C10orf53: variants seen among roughly 807,000 people sequenced by gnomAD.
C10orf53 encodes chromosome 10 open reading frame 53, also known as UPF0728 protein C10orf53.
In C10orf53, 8 loss-of-function variants were observed where a neutral mutation model predicts 9.4. The ratio of observed to expected loss-of-function variants is 0.85; its 90% CI spans 0.50 to 1.53. The LOEUF is 1.53. Ranked by LOEUF, C10orf53 falls within the 40% of genes most tolerant of loss-of-function variation. The pLI, the probability that C10orf53 is intolerant of heterozygous loss-of-function variation, is 0.00. For synonymous variants in C10orf53, 48 were observed against 46.0 expected, an observed-to-expected ratio of 1.04 and a Z score of -0.18; for missense variants, 117 against 117.8, an observed-to-expected ratio of 0.99 and a Z score of 0.03.
At chr10:49,680,851 G>A (rs1840472485) in intron 1 of C10orf53, among the ~76,000 whole-genome samples, 1 of 152,216 alleles carries the variant, frequency 6.6e-6, no homozygotes, top group South Asian at 2.1e-4. Context: ...AGTGCTGATG[G>A]ATGGATGTAC....
intron 1 of C10orf53, among the ~76,000 whole-genome samples, chr10:49,692,050 G>A (rs1238481079): frequency 6.6e-6 from 1 of 152,218 alleles, no homozygotes; most frequent in Admixed American, 6.5e-5. Flanking sequence ...GCTGCTGAGG[G>A]AGTGTGGGAT....
exon 3 of C10orf53, chr10:49,708,479 C>T (rs1216126792): frequency 5.0e-6 from 8 of 1,614,118 alleles, no homozygotes; most frequent in Non-Finnish European, 6.8e-6. Flanking sequence ...CACAAAAGAC[C>T]CAGGACCTGA....
At chr10:49,699,901 C>CT (rs1554812004), downstream of C10orf53, among the ~76,000 whole-genome samples, 1 of 151,796 alleles carries the variant, frequency 6.6e-6, no homozygotes, top group South Asian at 2.1e-4. Flanking sequence ...TCATCCCCCC[C>CT]GAGATCAGGT....
At chr10:49,691,389 G>T (rs149494370) in intron 1 of C10orf53, among the ~76,000 whole-genome samples, 1 of 152,222 alleles carries the variant, frequency 6.6e-6, no homozygotes, top group African/African-American at 2.4e-5. Context: ...CAAAAGTGTC[G>T]TGGGCAGTGC....
At chr10:49,691,722 A>T (rs1199774264) in intron 1 of C10orf53, among the ~76,000 whole-genome samples, 1 of 152,234 alleles carries the variant, frequency 6.6e-6, no homozygotes. Context: ...CCAAGCTCAG[A>T]TGCCACGTGA....
intron 1 of C10orf53, among the ~76,000 whole-genome samples, chr10:49,687,961 T>C (rs986404070): frequency 6.6e-6 from 1 of 152,174 alleles, no homozygotes; most frequent in Admixed American, 6.5e-5. Context: ...TTAAGAAATA[T>C]TAAGCCAGTG....
downstream of C10orf53, among the ~76,000 whole-genome samples, chr10:49,701,996 G>A (rs1414032163): frequency 6.6e-6 from 1 of 152,144 alleles, no homozygotes; most frequent in Non-Finnish European, 1.5e-5. Context: ...GAGGTAGGGA[G>A]TTTGAGATCA....
exon 3 of C10orf53, chr10:49,708,591 G>C (rs1366313114): frequency 6.2e-7 from 1 of 1,614,176 alleles, no homozygotes; most frequent in Admixed American, 1.7e-5. Context: ...TTCTGGACTA[G>C]AGAAGAGGGG....
intron 1 of C10orf53, among the ~76,000 whole-genome samples, chr10:49,691,102 T>C (rs1413103495): frequency 7.2e-5 from 11 of 151,992 alleles, no homozygotes; most frequent in Non-Finnish European, 1.6e-4. Context: ...TTTCAGGGAG[T>C]ATATTTATCT....
chr10:49,700,206 GC>G (rs1429651741), downstream of C10orf53, among the ~76,000 whole-genome samples: 2 of 152,192 alleles, frequency 1.3e-5, no homozygotes, highest in Admixed American at 1.3e-4. Context: ...CGGACTCCAG[GC>G]CCCATTCCCA....
rs114056776 is a variant in C10orf53 at position 49,708,464 on chromosome 10, G to A, written c.321G>A (p.Gln107=). ...GGATGAAAGTTTCTCCTTTGCAACA[G>A]TTCCCACAAAAGACCCAGGACCTGA... is the stretch of plus-strand genomic sequence containing the variant. The change falls in exon 3 of 3, where the codon CAG becomes CAA. Residue 107 remains glutamine, a synonymous_variant. Coordinates refer to the C10orf53 transcript ENST00000374112. 61 of 1,614,138 alleles carry A rather than the reference G, an allele frequency of 3.8e-5. No individual in the cohort carries two copies. The African/African-American group carries it at 8.0e-4, about 21-fold the overall frequency.
At chr10:49,708,283 T>A in intron 2 of C10orf53, 7 of 1,563,070 alleles carry the variant, frequency 4.5e-6, no homozygotes, top group Non-Finnish European at 5.2e-6. Flanking sequence ...TAGGTGAATA[T>A]GAGTGTTCAG....
At position 49,694,647 on chromosome 10, in the gene C10orf53, C is replaced by A. The variant is rs1564506643; in HGVS notation, c.*45C>A. On this transcript the variant is annotated 3_prime_UTR_variant, in exon 3 of 3. Coordinates refer to ENST00000374111, the MANE Select transcript of C10orf53 (RefSeq NM_001042427.3). Reference sequence around the variant, plus strand: ...TCTCAAGTCGGCACAACAGCAGCTGCCCCAGCCATTCTATGATGCAGGCAG... The same window carrying A: ...TCTCAAGTCGGCACAACAGCAGCTGACCCAGCCATTCTATGATGCAGGCAG... 1 of 1,613,576 alleles carries A rather than the reference C, an allele frequency of 6.2e-7. No individual in the cohort carries two copies. Among genetic ancestry groups the A allele is most frequent in the Non-Finnish European group, 8.5e-7 (1 of 1,179,786 alleles).
intron 2 of C10orf53, among the ~76,000 whole-genome samples, chr10:49,707,876 GA>G (rs376662552): frequency 1.4e-3 from 201 of 142,638 alleles, no homozygotes; most frequent in Admixed American, 3.0e-3. Context: ...CCTTAGAAAT[GA>G]AAAAAAAAAA....
At chr10:49,706,704 G>A (rs532611431) in intron 2 of C10orf53, among the ~76,000 whole-genome samples, 1 of 152,316 alleles carries the variant, frequency 6.6e-6, no homozygotes, top group South Asian at 2.1e-4. Flanking sequence ...GAATTGTACA[G>A]TTTAAATGGA....
At chr10:49,694,012 T>C (rs1840610952) in intron 2 of C10orf53, 119 bp downstream of exon 2, 11 of 1,437,310 alleles carry the variant, frequency 7.7e-6, no homozygotes, top group Admixed American at 3.6e-5. Context: ...TTTCTGAGTT[T>C]GAAACTTGTA....
At chr10:49,690,774 CTGTG>C (rs1218900034) in intron 1 of C10orf53, among the ~76,000 whole-genome samples, 5 of 152,228 alleles carry the variant, frequency 3.3e-5, no homozygotes, top group African/African-American at 7.2e-5. Flanking sequence ...CTGAGACACT[CTGTG>C]TGGCATTCTC....
At position 49,694,826 on chromosome 10, in the gene C10orf53, A is replaced by G. The variant is rs1483527683; in HGVS notation, c.*224A>G. On this transcript the variant is annotated 3_prime_UTR_variant, in exon 3 of 3. Coordinates refer to ENST00000374111, the MANE Select transcript of C10orf53 (RefSeq NM_001042427.3). The stretch of plus-strand genomic sequence containing the variant: ...ACCACATCATTTATAACATGTCTCA[A>G]TCTCAACCCATAGGGAGAGCCCTCC... 7.3e-6 allele frequency: 10 copies of G among 1,365,586 alleles called. No homozygotes were observed. Among genetic ancestry groups the G allele is most frequent in the Non-Finnish European group, 9.4e-6 (10 of 1,060,964 alleles). 84.6% of individuals were successfully genotyped at this position (1,365,586 alleles called of 1,614,324 possible).
intron 1 of C10orf53, among the ~76,000 whole-genome samples, chr10:49,681,109 C>G (rs1485825325): frequency 6.6e-6 from 1 of 152,166 alleles, no homozygotes; most frequent in Non-Finnish European, 1.5e-5. Context: ...TTTCCACTTA[C>G]AGTGGGCTCA....
Sources: allele counts gnomAD v4.1 joint callset (sites outside exome capture counted in the v4.1 genomes callset), GRCh38; gene constraint gnomAD v4.1.1; transcripts MANE v1.5; gene names NCBI Gene and HGNC (gene_info 2026-07-23, HGNC 2026-07-21).